Variants in ADCYAP1R1 observed in about 807,000 individuals in gnomAD.
The protein encoded by ADCYAP1R1 is pituitary adenylate cyclase-activating polypeptide type I receptor.
ADCYAP1R1 carries 44 observed loss-of-function variants against 67.6 expected under a neutral mutation model. The ratio of observed to expected loss-of-function variants is 0.65; its 90% CI spans 0.51 to 0.84. The LOEUF (loss-of-function observed/expected upper bound fraction) is 0.84. ADCYAP1R1 is among the 40% of genes least tolerant of loss of function. The pLI is 0.00. For synonymous variants in ADCYAP1R1, 222 were observed against 219.6 expected, an observed-to-expected ratio of 1.01 and a Z score of -0.10; for missense variants, 477 against 587.9, an observed-to-expected ratio of 0.81 and a Z score of 1.95.
chr7:31,097,240 A>G (rs749816220), intron 13 of ADCYAP1R1, among the ~76,000 whole-genome samples: 1 of 152,204 alleles, frequency 6.6e-6, no homozygotes, highest in Non-Finnish European at 1.5e-5. Context: ...AGACAGCCCC[A>G]CCCAACACCC....
intron 13 of ADCYAP1R1, among the ~76,000 whole-genome samples, chr7:31,093,042 T>A (rs969428749): frequency 6.6e-6 from 1 of 151,448 alleles, no homozygotes; most frequent in African/African-American, 2.4e-5. Context: ...GGAGGTAGGG[T>A]CTTGGTTGGT....
intron 1 of ADCYAP1R1, among the ~76,000 whole-genome samples, chr7:31,053,637 C>A (rs1794120824): frequency 6.6e-6 from 1 of 152,234 alleles, no homozygotes; most frequent in South Asian, 2.1e-4. Flanking sequence ...GGGTGGTGGA[C>A]ACCTGCTAAT....
At chr7:31,088,288 A>G (rs1002340359) in intron 12 of ADCYAP1R1, among the ~76,000 whole-genome samples, 5 of 152,190 alleles carry the variant, frequency 3.3e-5, no homozygotes, top group African/African-American at 9.7e-5. Context: ...TATTAGTTAC[A>G]GTTTAAAGGA....
chr7:31,087,166 G>A (rs1236138695), intron 11 of ADCYAP1R1, among the ~76,000 whole-genome samples, 163 bp downstream of exon 11: 2 of 152,208 alleles, frequency 1.3e-5, no homozygotes, highest in Admixed American at 6.5e-5. Context: ...ATGGCCCCAT[G>A]CAGGTGACCC....
intron 5 of ADCYAP1R1, among the ~76,000 whole-genome samples, chr7:31,080,997 C>T (rs1795492820): frequency 6.6e-6 from 1 of 152,150 alleles, no homozygotes; most frequent in Non-Finnish European, 1.5e-5. Flanking sequence ...ATATTGACAT[C>T]CCTGACAGCT....
intron 3 of ADCYAP1R1, among the ~76,000 whole-genome samples, chr7:31,070,289 T>G (rs1407527189): frequency 1.3e-5 from 2 of 152,158 alleles, no homozygotes; most frequent in Non-Finnish European, 2.9e-5. Context: ...CCCAGAAACC[T>G]TCCCTGCATC....
At chr7:31,106,011 T>TA (rs1325008561) in intron 15 of ADCYAP1R1, among the ~76,000 whole-genome samples, 3 of 152,332 alleles carry the variant, frequency 2.0e-5, no homozygotes, top group East Asian at 3.9e-4. Context: ...TGGGAAGCTT[T>TA]AAAAAATATG....
At chr7:31,099,082 C>A (rs1056533346) in intron 13 of ADCYAP1R1, among the ~76,000 whole-genome samples, 1 of 152,174 alleles carries the variant, frequency 6.6e-6, no homozygotes, top group Non-Finnish European at 1.5e-5. Flanking sequence ...CAAGCAGGAC[C>A]ACTGTGGGCT....
intron 3 of ADCYAP1R1, among the ~76,000 whole-genome samples, chr7:31,070,628 C>G (rs1161909619): frequency 6.6e-6 from 1 of 152,198 alleles, no homozygotes; most frequent in Non-Finnish European, 1.5e-5. Flanking sequence ...AGGCATCAAG[C>G]CTGAGGAAAG....
intron 1 of ADCYAP1R1, among the ~76,000 whole-genome samples, chr7:31,054,013 G>A (rs1344472035): frequency 6.6e-6 from 1 of 152,152 alleles, no homozygotes; most frequent in Non-Finnish European, 1.5e-5. Context: ...TTTGGTGCTG[G>A]GTACAAGTAG....
chr7:31,074,844 C>CT (rs1462917560), intron 3 of ADCYAP1R1, among the ~76,000 whole-genome samples: 1 of 152,232 alleles, frequency 6.6e-6, no homozygotes, highest in African/African-American at 2.4e-5. Context: ...TCTTTGCCTT[C>CT]TTGGGTTATT....
At chr7:31,064,127 G>A (rs773008361) in intron 2 of ADCYAP1R1, among the ~76,000 whole-genome samples, 3 of 152,184 alleles carry the variant, frequency 2.0e-5, no homozygotes, top group Non-Finnish European at 2.9e-5. Context: ...ATAACTTTGG[G>A]CTGGAGTTTC....
intron 13 of ADCYAP1R1, among the ~76,000 whole-genome samples, chr7:31,098,607 G>C (rs1022330112): frequency 9.3e-5 from 14 of 151,204 alleles, no homozygotes; most frequent in Non-Finnish European, 1.8e-4. Context: ...TCTGGAAAAG[G>C]GGATCTGTAG....
At chr7:31,080,116 A>T (rs1267219896) in intron 4 of ADCYAP1R1, among the ~76,000 whole-genome samples, 2 of 152,192 alleles carry the variant, frequency 1.3e-5, no homozygotes, top group Non-Finnish European at 1.5e-5. Flanking sequence ...ATGGTAAAAT[A>T]AGATTTTCTT....
In ADCYAP1R1 at chr7:31,084,734, C is replaced by T; in HGVS notation, c.439-3C>T. The T allele has an allele frequency of 6.2e-7, 1 of 1,613,464 alleles. No individual in the cohort carries two copies. Among genetic ancestry groups the T allele is most frequent in the Non-Finnish European group, 8.5e-7 (1 of 1,179,384 alleles). The stretch of plus-strand genomic sequence containing the variant: ...GTCCTGCATGTCCTGTGCTCTGCTT[C>T]AGGATTATTACTACCTGTCAGTGAA... On this transcript the variant is annotated splice_polypyrimidine_tract_variant and splice_region_variant and intron_variant, in intron 7 of 15. Transcript: ENST00000304166.
chr7:31,079,645 G>A (rs1795430680), intron 4 of ADCYAP1R1, among the ~76,000 whole-genome samples: 1 of 152,206 alleles, frequency 6.6e-6, no homozygotes, highest in African/African-American at 2.4e-5. Context: ...TGCAGGAGGT[G>A]GCAGAGAAAA....
At chr7:31,069,354 A>G (rs989437049) in intron 3 of ADCYAP1R1, among the ~76,000 whole-genome samples, 9 of 152,194 alleles carry the variant, frequency 5.9e-5, no homozygotes, top group Non-Finnish European at 1.2e-4. Context: ...GTGGTCCCCA[A>G]GCACACACGC....
At chr7:31,076,942 C>T (rs1795254670) in intron 3 of ADCYAP1R1, among the ~76,000 whole-genome samples, 1 of 152,128 alleles carries the variant, frequency 6.6e-6, no homozygotes, top group African/African-American at 2.4e-5. Flanking sequence ...GGGATCCAGC[C>T]CTGGCCTGCT....
Position 31,052,604 on chromosome 7 carries a change from G to C in ADCYAP1R1, c.-146G>C, listed in dbSNP as rs933002328. ...CACGCTCCCCATCCCCGCGCCGCGC[G>C]GGCCGCGGACTTGCAGGCTGCGCGT... On this transcript the variant is annotated 5_prime_UTR_variant, in exon 1 of 16. Coordinates refer to ENST00000304166, the MANE Select transcript of ADCYAP1R1 (RefSeq NM_001118.5). 1 of 151,676 alleles carries C rather than the reference G, an allele frequency of 6.6e-6. No homozygotes were observed. The allele number at this position is 151,676 out of a possible 1,614,324, so 9.4% of individuals were successfully genotyped here.
Sources: gnomAD v4.1 joint callset for allele counts (sites outside exome capture counted in the v4.1 genomes callset) on GRCh38, gnomAD v4.1.1 for gene constraint, MANE v1.5 for transcripts, NCBI Gene and HGNC (gene_info 2026-07-23, HGNC 2026-07-21) for gene names.